ACAD10: variants seen among roughly 807,000 people sequenced by gnomAD.
ACAD10 encodes ACAD-10.
Under a neutral mutation model 116.8 loss-of-function variants are expected in ACAD10, and 112 were observed. The ratio of observed to expected loss-of-function variants is 0.96; its 90% CI spans 0.82 to 1.12. ACAD10 has a LOEUF of 1.12. ACAD10 is among the 50% of genes most tolerant of loss of function. The probability of loss-of-function intolerance (pLI) is 0.00; values close to 1 mark genes in which losing one functional copy is unlikely to be tolerated. For synonymous variants in ACAD10, 486 were observed against 510.6 expected (o/e 0.95, Z 0.65); for missense variants, 1,259 against 1,350.2 (o/e 0.93, Z 1.06).
At chr12:111,737,092 G>T in intron 12 of ACAD10, 88 bp downstream of exon 12, 1 of 1,310,628 alleles carries the variant, frequency 7.6e-7, no homozygotes, top group South Asian at 1.7e-5. Context: ...CAGGGCCACA[G>T]AGGCTTTGGA....
intron 7 of ACAD10, among the ~76,000 whole-genome samples, chr12:111,720,747 ATC>A (rs1888991682): frequency 6.6e-6 from 1 of 151,946 alleles, no homozygotes; most frequent in African/African-American, 2.4e-5. Flanking sequence ...GGCTGAAAAC[ATC>A]TGTCTTTTAT....
chr12:111,733,196 T>C (rs1010190008), intron 10 of ACAD10, among the ~76,000 whole-genome samples: 2 of 152,124 alleles, frequency 1.3e-5, no homozygotes, highest in Non-Finnish European at 2.9e-5. Flanking sequence ...ACTCCTGGGC[T>C]CAGTGATGCT....
At chr12:111,711,308 C>G (rs2135957318) in intron 5 of ACAD10, among the ~76,000 whole-genome samples, 1 of 152,276 alleles carries the variant, frequency 6.6e-6, no homozygotes, top group South Asian at 2.1e-4. Flanking sequence ...TCACGCCATT[C>G]TCCTGCCTCA....
intron 7 of ACAD10, among the ~76,000 whole-genome samples, chr12:111,717,346 CAAA>C (rs779938001): frequency 1.3e-4 from 10 of 76,842 alleles, no homozygotes; most frequent in Admixed American, 4.4e-4. Flanking sequence ...GACCCTGTCT[CAAA>C]AAAAAAAAAA....
At chr12:111,747,540 G>A in intron 16 of ACAD10, 155 bp downstream of exon 16, 1 of 1,476,052 alleles carries the variant, frequency 6.8e-7, no homozygotes, top group South Asian at 1.4e-5. Flanking sequence ...TGGGAGAATA[G>A]GAGGGTAATC....
intron 3 of ACAD10, among the ~76,000 whole-genome samples, chr12:111,704,334 G>T (rs909206094): frequency 2.0e-5 from 3 of 152,088 alleles, no homozygotes. Flanking sequence ...TAGAGACGGG[G>T]TTTCACCATG....
rs1440067635 is a variant in ACAD10, at chr12:111,749,066, A to G, written c.2645-107A>G. ...CATGTCCCAGTAAGAAGGCTAAATA[A>G]AGGGCAGGGACATTGCCAGCAGATA... On this transcript the variant is annotated intron_variant, in intron 17 of 20. Transcript: ENST00000313698. 7 of 1,613,220 alleles carry G rather than the reference A, an allele frequency of 4.3e-6. No homozygotes were observed. In the African/African-American group the frequency reaches 8.0e-5, roughly 18 times the overall value.
intron 1 of ACAD10, 98 bp downstream of exon 1, chr12:111,686,337 G>C (rs1236138249): frequency 6.6e-6 from 1 of 152,438 alleles, no homozygotes; most frequent in African/African-American, 2.4e-5. Flanking sequence ...TTTTGTTTCT[G>C]TCCCACTTTA....
intron 4 of ACAD10, among the ~76,000 whole-genome samples, chr12:111,706,786 T>A (rs926467791): frequency 3.8e-4 from 54 of 143,022 alleles, no homozygotes; most frequent in Non-Finnish European, 6.8e-4. Context: ...ATATATATTT[T>A]TTTTTTTGAG....
chr12:111,700,829 G>A (rs1888329270), intron 2 of ACAD10, among the ~76,000 whole-genome samples: 1 of 142,386 alleles, frequency 7.0e-6, no homozygotes, highest in Non-Finnish European at 1.5e-5. Flanking sequence ...CACCATCATA[G>A]CTCATTGCAG....
At chr12:111,692,618 GC>G in intron 1 of ACAD10, 78 bp from the exon 2 acceptor site, 1 of 1,421,652 alleles carries the variant, frequency 7.0e-7, no homozygotes, top group Non-Finnish European at 9.6e-7. Context: ...TGTCTGGCTG[GC>G]CCCTCTGAGC....
At chr12:111,701,724 G>A (rs1041765013) in intron 2 of ACAD10, among the ~76,000 whole-genome samples, 1 of 152,292 alleles carries the variant, frequency 6.6e-6, no homozygotes, top group Middle Eastern at 3.4e-3. Context: ...GAACATTTCA[G>A]TGTACTCACT....
In ACAD10 at chr12:111,756,538, G is replaced by A. The variant is rs1337083294; in HGVS notation, c.*65G>A. On this transcript the variant is annotated 3_prime_UTR_variant, in exon 21 of 21. Coordinates refer to ENST00000313698, the MANE Select transcript of ACAD10 (RefSeq NM_025247.6). The stretch of plus-strand genomic sequence containing the variant: ...AGCTGTGCCCAGATCTGTCACTGAT[G>A]TGCCTCGAAAGATCCGGTGTTTGTG... The A allele has an allele frequency of 6.3e-7, 1 of 1,587,794 alleles. No homozygotes were observed. The highest frequency in any genetic ancestry group is 1.8e-5 in the Admixed American group (1 of 54,566).
At chr12:111,708,280 A>G (rs1593023323) in intron 4 of ACAD10, among the ~76,000 whole-genome samples, 2 of 152,102 alleles carry the variant, frequency 1.3e-5, no homozygotes, top group Admixed American at 1.3e-4. Flanking sequence ...GATGTAATTC[A>G]CCTAGTGAGA....
chr12:111,747,449 C>T, intron 16 of ACAD10, 64 bp downstream of exon 16: 1 of 1,599,670 alleles, frequency 6.3e-7, no homozygotes. Flanking sequence ...AGGCGCGTCT[C>T]TCAATGCCTG....
At chr12:111,756,165 G>GT (rs775496867) in intron 20 of ACAD10, 168 bp from the exon 21 acceptor site, 24 of 1,427,330 alleles carry the variant, frequency 1.7e-5, no homozygotes, top group Non-Finnish European at 2.1e-5. Context: ...GATGGCAGGT[G>GT]TGGCCCCATG....
At chr12:111,744,406 C>G (rs1012232999) in intron 12 of ACAD10, among the ~76,000 whole-genome samples, 4 of 152,208 alleles carry the variant, frequency 2.6e-5, no homozygotes, top group Non-Finnish European at 2.9e-5. Context: ...TAACTTCCAG[C>G]TCGTCCAAGT....
At chr12:111,750,498 A>T (rs1890045271) in intron 18 of ACAD10, among the ~76,000 whole-genome samples, 1 of 152,140 alleles carries the variant, frequency 6.6e-6, no homozygotes, top group Non-Finnish European at 1.5e-5. Flanking sequence ...AGGCAGAAGG[A>T]TCGCTTGAGC....
At chr12:111,701,780 TC>T (rs1888356316) in intron 2 of ACAD10, among the ~76,000 whole-genome samples, 1 of 152,208 alleles carries the variant, frequency 6.6e-6, no homozygotes, top group African/African-American at 2.4e-5. Context: ...AAGGGCATGT[TC>T]TAGGGGCCAC....
Sources: allele counts gnomAD v4.1 joint callset (sites outside exome capture counted in the v4.1 genomes callset), GRCh38; gene constraint gnomAD v4.1.1; transcripts MANE v1.5; gene names NCBI Gene and HGNC (gene_info 2026-07-23, HGNC 2026-07-21).